The following CEP170 variants were observed in gnomAD, a reference collection of about 807,000 sequenced individuals.
The protein encoded by CEP170 is centrosomal protein 170.
In CEP170, 21 loss-of-function variants were observed where a neutral mutation model predicts 151.9. The observed-to-expected ratio is 0.14, with a 90% CI of 0.10 to 0.20. CEP170 has a LOEUF of 0.20. Among genes scored for constraint, CEP170 ranks in the 10% least tolerant of loss-of-function variants. CEP170 has a pLI of 1.00. For missense variants in CEP170, 964 were observed against 1,892.9 expected, an observed-to-expected ratio of 0.51 and a Z score of 9.11; for synonymous variants, 356 against 648.8, an observed-to-expected ratio of 0.55 and a Z score of 6.86.
chr1:243,146,990 T>TTGTGAATCCCCCCTAA (rs1208812554), intron 14 of CEP170, among the ~76,000 whole-genome samples: 1 of 151,736 alleles, frequency 6.6e-6, no homozygotes, highest in Non-Finnish European at 1.5e-5. Context: ...GAATCCCCCA[T>TTGTGAATCCCCCCTAA]CTAGAGGCAC....
intron 11 of CEP170, among the ~76,000 whole-genome samples, chr1:243,170,552 G>A (rs2058760512): frequency 6.6e-6 from 1 of 152,162 alleles, no homozygotes; most frequent in Admixed American, 6.5e-5. Context: ...CCAGCATTTT[G>A]GGAGACCAAG....
chr1:243,231,180 TCA>T (rs2063713008), intron 1 of CEP170, among the ~76,000 whole-genome samples: 6 of 128,876 alleles, frequency 4.7e-5, no homozygotes, highest in African/African-American at 1.0e-4. Context: ...ATCATCATCA[TCA>T]TCATCATCAT....
chr1:243,156,629 A>G, intron 13 of CEP170, 174 bp from the exon 14 acceptor site: 1 of 514,100 alleles, frequency 1.9e-6, no homozygotes, highest in South Asian at 3.9e-5. Flanking sequence ...AGATAGAAAC[A>G]TTACACTTCG....
At chr1:243,230,797 T>C (rs1048031737) in intron 1 of CEP170, among the ~76,000 whole-genome samples, 1 of 152,112 alleles carries the variant, frequency 6.6e-6, no homozygotes, top group African/African-American at 2.4e-5. Context: ...TATACACATA[T>C]AGGTGTCCCA....
chr1:243,229,277 T>C (rs2063528206), intron 1 of CEP170, among the ~76,000 whole-genome samples: 4 of 152,232 alleles, frequency 2.6e-5, no homozygotes, highest in Non-Finnish European at 4.4e-5. Flanking sequence ...GCAGGTATAT[T>C]TCTTTCCAGA....
intron 13 of CEP170, among the ~76,000 whole-genome samples, chr1:243,159,544 A>G (rs187991487): frequency 3.9e-5 from 6 of 152,330 alleles, no homozygotes; most frequent in Admixed American, 3.3e-4. Flanking sequence ...TCAAGTTAAA[A>G]TATTTTAAAT....
chr1:243,210,057 T>C (rs1228950060), intron 4 of CEP170, among the ~76,000 whole-genome samples: 2 of 152,216 alleles, frequency 1.3e-5, no homozygotes, highest in African/African-American at 4.8e-5. Flanking sequence ...ACAGTAGTTA[T>C]GGCTCAACAC....
intron 14 of CEP170, among the ~76,000 whole-genome samples, chr1:243,155,282 G>C (rs958184567): frequency 6.6e-6 from 1 of 152,074 alleles, no homozygotes; most frequent in African/African-American, 2.4e-5. Flanking sequence ...TCAAACCAAT[G>C]AGCCAGAAAA....
chr1:243,157,119 T>C (rs995003694), intron 13 of CEP170, among the ~76,000 whole-genome samples: 3 of 152,206 alleles, frequency 2.0e-5, no homozygotes, highest in African/African-American at 7.2e-5. Context: ...ACTGAAAGCA[T>C]ATGGTGAAAA....
At chr1:243,178,399 G>GT (rs2059396461) in intron 10 of CEP170, among the ~76,000 whole-genome samples, 2 of 146,068 alleles carry the variant, frequency 1.4e-5, no homozygotes, top group Admixed American at 6.9e-5. Context: ...CCAAGTGAAA[G>GT]TAGCCGGTCA....
intron 10 of CEP170, among the ~76,000 whole-genome samples, chr1:243,173,735 C>CA (rs199827738): frequency 0.12 from 8,433 of 72,558 alleles, 505 homozygotes; most frequent in East Asian, 0.28. Flanking sequence ...GACCCTGTTT[C>CA]AAAAAAAAAA....
chr1:243,214,064 T>C (rs2062042886), intron 3 of CEP170, among the ~76,000 whole-genome samples: 1 of 152,184 alleles, frequency 6.6e-6, no homozygotes, highest in Non-Finnish European at 1.5e-5. Flanking sequence ...CCTTCTTTTT[T>C]CACATCTGTG....
chr1:243,228,273 C>G (rs2063461234), intron 1 of CEP170, among the ~76,000 whole-genome samples: 1 of 152,098 alleles, frequency 6.6e-6, no homozygotes, highest in Non-Finnish European at 1.5e-5. Context: ...TTCATCAAAG[C>G]AAGTAAATAA....
rs547014106 is a variant in CEP170, at chr1:243,186,824, A to C, written c.1109-402T>G. Among the ~76,000 whole-genome samples, 27 of 152,328 alleles carry C rather than the reference A, an allele frequency of 1.8e-4. 1 individual carries two copies. The South Asian group carries it at 5.4e-3, about 30-fold the overall frequency. On this transcript the variant is annotated intron_variant, in intron 8 of 19. Coordinates refer to ENST00000366542, the MANE Select transcript of CEP170 (RefSeq NM_014812.3). ...GCATTAGAGATGAAAAAAGACAAGA[A>C]AAAGGGTAATGTCACTGAAATGCTT...
At chr1:243,128,351 C>T (rs2053954267) in intron 18 of CEP170, 51 bp from the exon 19 acceptor site, 7 of 1,496,886 alleles carry the variant, frequency 4.7e-6, no homozygotes, top group Admixed American at 4.6e-5. Flanking sequence ...TAAATGTTAT[C>T]ACTTTACAAG....
chr1:243,171,179 T>G (rs970416570), intron 11 of CEP170, among the ~76,000 whole-genome samples: 8 of 152,242 alleles, frequency 5.3e-5, no homozygotes, highest in African/African-American at 1.9e-4. Flanking sequence ...TGGCATCATA[T>G]TGCCTCAAAT....
In CEP170 at chr1:243,172,365, T is replaced by G. The variant is rs2058908834; in HGVS notation, c.1716+332A>C. ...TGATAAGAATTCAGGCCAAGTGCGG[T>G]GACTCATGCCTGTAATCCTCGCACC... On this transcript the variant is annotated intron_variant, in intron 11 of 19. Coordinates refer to ENST00000366542, the MANE Select transcript of CEP170 (RefSeq NM_014812.3). Among the ~76,000 whole-genome samples the G allele has an allele frequency of 3.9e-5, 6 of 152,326 alleles. No individual in the cohort carries two copies. In the South Asian group the frequency reaches 1.2e-3, roughly 32 times the overall value.
intron 10 of CEP170, among the ~76,000 whole-genome samples, chr1:243,183,688 T>C (rs1031297225): frequency 2.0e-4 from 31 of 152,120 alleles, no homozygotes; most frequent in Non-Finnish European, 4.0e-4. Context: ...TTCCCAGCAA[T>C]ATGGTCTCAG....
At chr1:243,141,107 G>A (rs1558394691) in intron 15 of CEP170, among the ~76,000 whole-genome samples, 1 of 152,172 alleles carries the variant, frequency 6.6e-6, no homozygotes, top group Non-Finnish European at 1.5e-5. Flanking sequence ...TAAAGAATGT[G>A]ACAAAAAGCA....
Sources: gnomAD v4.1 joint callset for allele counts (sites outside exome capture counted in the v4.1 genomes callset) on GRCh38, gnomAD v4.1.1 for gene constraint, MANE v1.5 for transcripts, NCBI Gene and HGNC (gene_info 2026-07-23, HGNC 2026-07-21) for gene names.